Variants in SGCZ observed in about 807,000 individuals in gnomAD.
The protein encoded by SGCZ is sarcoglycan zeta.
SGCZ carries 40 observed loss-of-function variants against 41.3 expected under a neutral mutation model. That is an observed-to-expected ratio of 0.97 (90% CI 0.75 to 1.26). SGCZ has a LOEUF of 1.26. Ranked by LOEUF, SGCZ falls within the 50% of genes most tolerant of loss-of-function variation. The pLI is 0.00. For synonymous variants in SGCZ, 206 were observed against 137.5 expected (o/e 1.50, Z -3.49); for missense variants, 552 against 369.8 (o/e 1.49, Z -4.04).
intron 3 of SGCZ, among the ~76,000 whole-genome samples, chr8:14,317,758 C>T (rs1347726742): frequency 6.6e-6 from 1 of 151,552 alleles, no homozygotes; most frequent in Non-Finnish European, 1.5e-5. Context: ...GTGATTTTTG[C>T]CATAAAAGTC....
chr8:14,399,666 G>A (rs1799018982), intron 2 of SGCZ, among the ~76,000 whole-genome samples: 1 of 152,066 alleles, frequency 6.6e-6, no homozygotes, highest in South Asian at 2.1e-4. Flanking sequence ...TTGAAAAGAA[G>A]ATAATATTTT....
intron 1 of SGCZ, among the ~76,000 whole-genome samples, chr8:14,579,406 C>G (rs899444265): frequency 4.6e-5 from 7 of 152,112 alleles, no homozygotes; most frequent in Admixed American, 1.3e-4. Flanking sequence ...ATGACTCACA[C>G]CCTTAATACA....
intron 1 of SGCZ, among the ~76,000 whole-genome samples, chr8:15,152,232 C>G (rs1018278865): frequency 1.3e-5 from 2 of 152,058 alleles, no homozygotes; most frequent in African/African-American, 4.8e-5. Context: ...GGTTCCTTTA[C>G]TAAGACTGGA....
At position 15,207,403 on chromosome 8, in the gene SGCZ, A is replaced by C. The variant is rs1801101660; in HGVS notation, c.39+30182T>G. ...GAAACTAATGAAGTATCCATGTTTAAGGGACAGGAGGACAGAAAGGATCTG... is the reference window on the plus strand; with the variant it reads ...GAAACTAATGAAGTATCCATGTTTACGGGACAGGAGGACAGAAAGGATCTG... On this transcript the variant is annotated intron_variant, in intron 1 of 7. Coordinates refer to ENST00000382080, the MANE Select transcript of SGCZ (RefSeq NM_139167.4). Among the ~76,000 whole-genome samples, 6 of 152,220 alleles carry C rather than the reference A, an allele frequency of 3.9e-5. No homozygotes were observed. In the South Asian group the frequency reaches 1.2e-3, roughly 32 times the overall value.
intron 2 of SGCZ, among the ~76,000 whole-genome samples, chr8:14,481,928 C>T (rs577657107): frequency 7.2e-5 from 11 of 152,166 alleles, no homozygotes; most frequent in East Asian, 1.9e-4. Flanking sequence ...AAACAAACAA[C>T]GTAAGATCTA....
At position 14,087,381 on chromosome 8, in the gene SGCZ, G is replaced by C. The variant is rs938796472; in HGVS notation, c.*3062C>G. On this transcript the variant is annotated 3_prime_UTR_variant, in exon 8 of 8. Transcript: ENST00000382080. ...GTGTCCTCTTTGCATCTTTCCTTTTGTGATCCCCCAAACCTGAATTCAGAT... is the reference window on the plus strand; with the variant it reads ...GTGTCCTCTTTGCATCTTTCCTTTTCTGATCCCCCAAACCTGAATTCAGAT... Among the ~76,000 whole-genome samples the C allele has an allele frequency of 6.6e-6, 1 of 151,328 alleles. No individual in the cohort carries two copies. Among genetic ancestry groups the C allele is most frequent in the African/African-American group, 2.4e-5 (1 of 41,264 alleles).
chr8:14,953,277 G>A (rs918214210), intron 1 of SGCZ, among the ~76,000 whole-genome samples: 1 of 152,130 alleles, frequency 6.6e-6, no homozygotes, highest in Non-Finnish European at 1.5e-5. Flanking sequence ...TGGCAGAGCA[G>A]ATGAGAGAGA....
chr8:14,896,077 G>A (rs147517704), intron 1 of SGCZ, among the ~76,000 whole-genome samples: 76 of 152,222 alleles, frequency 5.0e-4, no homozygotes, highest in African/African-American at 1.8e-3. Flanking sequence ...TAAAATTACA[G>A]GTCATTAAAA....
At chr8:14,959,499 G>C (rs1406259383) in intron 1 of SGCZ, among the ~76,000 whole-genome samples, 1 of 152,034 alleles carries the variant, frequency 6.6e-6, no homozygotes, top group Non-Finnish European at 1.5e-5. Context: ...AAAAACATAG[G>C]ATGACTTTGT....
chr8:14,795,852 T>G (rs1801110027), intron 1 of SGCZ, among the ~76,000 whole-genome samples: 1 of 152,106 alleles, frequency 6.6e-6, no homozygotes, highest in Admixed American at 6.5e-5. Context: ...AAGATCCCAG[T>G]GTGTGTTGTT....
Position 14,992,927 on chromosome 8 carries a change from C to G in SGCZ, c.39+244658G>C, listed in dbSNP as rs1246553628. ...TCTACTCCCAAATCTACTCCCAAAA[C>G]CAATGTTACCCTTGATATTTACCCC... On this transcript the variant is annotated intron_variant, in intron 1 of 7. Transcript: ENST00000382080. Among the ~76,000 whole-genome samples the G allele has an allele frequency of 2.0e-5, 3 of 150,682 alleles. No individual in the cohort carries two copies. In the East Asian group the frequency reaches 5.9e-4, roughly 30 times the overall value.
rs17609284 is a variant in SGCZ at position 15,114,042 on chromosome 8, C to A, written c.39+123543G>T. ...TGGTATCTTTCCCTCCTTTTGTCTC[C>A]TGCCAGATTAGAGAAACAGATCTCA... is the stretch of plus-strand genomic sequence containing the variant. On this transcript the variant is annotated intron_variant, in intron 1 of 7. Coordinates refer to ENST00000382080, the MANE Select transcript of SGCZ (RefSeq NM_139167.4). Among the ~76,000 whole-genome samples, 1,557 of 152,260 alleles carry A rather than the reference C, an allele frequency of 0.01. 72 individuals are homozygous for A. The East Asian group carries it at 0.14, about 14-fold the overall frequency.
At chr8:14,646,656 T>C (rs190558635) in intron 1 of SGCZ, among the ~76,000 whole-genome samples, 226 of 151,410 alleles carry the variant, frequency 1.5e-3, no homozygotes, top group Non-Finnish European at 2.2e-3. Context: ...CAGATAATAG[T>C]TTCCTAACAG....
In SGCZ at chr8:14,228,664, G is replaced by C. The variant is rs566872771; in HGVS notation, c.424+8928C>G. ...ATATAAGGAGATGGGGGCGGCCTAA[G>C]TAGTGCTAAAATAAAGCAGTGGGAC... is the stretch of plus-strand genomic sequence containing the variant. On this transcript the variant is annotated intron_variant, in intron 4 of 7. Coordinates refer to ENST00000382080, the MANE Select transcript of SGCZ (RefSeq NM_139167.4). 4.7e-4 allele frequency among the ~76,000 whole-genome samples: 72 copies of C among 152,094 alleles called. 1 individual carries two copies. Among genetic ancestry groups the C allele is most frequent in the Middle Eastern group, 3.4e-3 (1 of 294 alleles).
At chr8:14,520,146 A>G (rs866454732) in intron 2 of SGCZ, among the ~76,000 whole-genome samples, 47 of 152,134 alleles carry the variant, frequency 3.1e-4, no homozygotes, top group African/African-American at 1.1e-3. Context: ...AAGGTATACA[A>G]TACATTAGCA....
intron 2 of SGCZ, among the ~76,000 whole-genome samples, chr8:14,378,186 C>T (rs1804210134): frequency 1.3e-5 from 2 of 150,500 alleles, no homozygotes; most frequent in South Asian, 4.2e-4. Flanking sequence ...TCCTCTCCAG[C>T]ACCTGTTGTT....
chr8:14,446,009 G>C (rs1325685647), intron 2 of SGCZ, among the ~76,000 whole-genome samples: 1 of 152,186 alleles, frequency 6.6e-6, no homozygotes, highest in Non-Finnish European at 1.5e-5. Context: ...AAGGGGTTGA[G>C]TGAAGCGAGA....
At chr8:15,134,312 T>A (rs990148909) in intron 1 of SGCZ, among the ~76,000 whole-genome samples, 7 of 150,988 alleles carry the variant, frequency 4.6e-5, no homozygotes, top group Non-Finnish European at 1.5e-5. Flanking sequence ...GTCTTTTTTT[T>A]TTTTGTTTCT....
At chr8:14,532,234 C>T (rs947647551) in intron 2 of SGCZ, among the ~76,000 whole-genome samples, 4 of 138,708 alleles carry the variant, frequency 2.9e-5, no homozygotes, top group African/African-American at 1.0e-4. Context: ...TTAATTTGAG[C>T]CCCAGAATCT....
Sources: gnomAD v4.1 joint callset for allele counts (sites outside exome capture counted in the v4.1 genomes callset) on GRCh38, gnomAD v4.1.1 for gene constraint, MANE v1.5 for transcripts, NCBI Gene and HGNC (gene_info 2026-07-23, HGNC 2026-07-21) for gene names.